Variants in ST8SIA6 observed in about 807,000 individuals in gnomAD.
ST8SIA6 encodes the protein alpha-2,8-sialyltransferase 8F.
In ST8SIA6, 39 loss-of-function variants were observed where a neutral mutation model predicts 33.6. That is an observed-to-expected ratio of 1.16 (90% CI 0.90 to 1.52). The LOEUF (loss-of-function observed/expected upper bound fraction) is 1.52. Among genes scored for constraint, ST8SIA6 ranks in the 40% most tolerant of loss-of-function variants. The pLI is 0.00. For missense variants in ST8SIA6, 441 were observed against 443.8 expected (o/e 0.99, Z 0.06); for synonymous variants, 172 against 167.2 (o/e 1.03, Z -0.22).
rs11254537 is a variant in ST8SIA6, at chr10:17,341,516, C to T, written c.378-9964G>A. On this transcript the variant is annotated intron_variant, in intron 4 of 7. Transcript: ENST00000377602. The stretch of plus-strand genomic sequence containing the variant: ...CTCCCCAAAATAAATATTTTGAAAC[C>T]CAAAGCCCCAGTATGATGGTATTAG... Among the ~76,000 whole-genome samples the T allele has an allele frequency of 6.6e-3, 1,003 of 152,112 alleles. 6 individuals are homozygous for T. Among genetic ancestry groups the T allele is most frequent in the African/African-American group, 0.023 (964 of 41,484 alleles).
intron 4 of ST8SIA6, among the ~76,000 whole-genome samples, chr10:17,355,163 A>G (rs1174391739): frequency 1.3e-5 from 2 of 152,190 alleles, no homozygotes; most frequent in Admixed American, 1.3e-4. Context: ...TTTTGAGAGA[A>G]TTCATTTTCT....
At chr10:17,434,070 T>TC (rs1852179791) in intron 2 of ST8SIA6, among the ~76,000 whole-genome samples, 1 of 152,060 alleles carries the variant, frequency 6.6e-6, no homozygotes, top group African/African-American at 2.4e-5. Context: ...CTGGCTTCTC[T>TC]CCCCTGGGCT....
In ST8SIA6 at chr10:17,390,853, T is replaced by C. The variant is rs576042846; in HGVS notation, c.201-233A>G. 4.2e-5 allele frequency among the ~76,000 whole-genome samples: 6 copies of C among 143,276 alleles called. No homozygotes were observed. In the South Asian group the frequency reaches 1.3e-3, roughly 31 times the overall value. The allele number at this position is 143,276 out of a possible 152,430, so 94.0% of individuals were successfully genotyped here. ...AAGTCAAACATAAGAGAACTCTATTTTGAAGACCTTTTTTTTTTTTTTGAG... is the reference window on the plus strand; with the variant it reads ...AAGTCAAACATAAGAGAACTCTATTCTGAAGACCTTTTTTTTTTTTTTGAG... On this transcript the variant is annotated intron_variant, in intron 2 of 7. Coordinates refer to ENST00000377602, the MANE Select transcript of ST8SIA6 (RefSeq NM_001004470.3).
chr10:17,438,532 T>C (rs1003621087), intron 2 of ST8SIA6, among the ~76,000 whole-genome samples: 2 of 152,076 alleles, frequency 1.3e-5, no homozygotes, highest in Admixed American at 6.5e-5. Flanking sequence ...CATATCTCAA[T>C]TGGTATCTGA....
intron 2 of ST8SIA6, chr10:17,409,424 C>T (rs1163090369): frequency 6.6e-6 from 1 of 152,524 alleles, no homozygotes; most frequent in African/African-American, 2.4e-5. Flanking sequence ...GGTAGAGCAG[C>T]CAGGTGTGGT....
At chr10:17,326,988 A>C in intron 6 of ST8SIA6, 26 bp downstream of exon 6, 1 of 1,535,124 alleles carries the variant, frequency 6.5e-7, no homozygotes, top group South Asian at 1.2e-5. Flanking sequence ...CTATTGTTTC[A>C]AAGAAACCAA....
chr10:17,429,045 C>T (rs1485705766), intron 2 of ST8SIA6, among the ~76,000 whole-genome samples: 1 of 151,842 alleles, frequency 6.6e-6, no homozygotes, highest in African/African-American at 2.4e-5. Flanking sequence ...ATACAGTAAG[C>T]GGGATCTGGG....
chr10:17,390,544 T>C lies in ST8SIA6; in HGVS notation c.277A>G (p.Asn93Asp). 2 of 1,612,506 alleles carry C rather than the reference T, an allele frequency of 1.2e-6. No individual in the cohort carries two copies. ...NLQYGIESFS[N>D]KTKGYSENDY... Reference sequence around the variant, plus strand: ...AGTAGAACTTACCCTTTCGTTTTGTTAGAGAAAGACTCAATGCCATATTGC... The same window carrying C: ...AGTAGAACTTACCCTTTCGTTTTGTCAGAGAAAGACTCAATGCCATATTGC... Residue 93 changes from asparagine (N) to aspartate (D), a missense_variant, in exon 3 of 8, where the codon AAC (asparagine) becomes GAC (aspartate). By Grantham distance (23) the Asn-to-Asp change is conservative. Coordinates refer to ENST00000377602, the MANE Select transcript of ST8SIA6 (RefSeq NM_001004470.3).
At chr10:17,360,575 A>C (rs868692174) in intron 3 of ST8SIA6, among the ~76,000 whole-genome samples, 3 of 151,322 alleles carry the variant, frequency 2.0e-5, no homozygotes, top group Non-Finnish European at 1.5e-5. Flanking sequence ...CTATAGAACA[A>C]AGGCCAGAAA....
intron 2 of ST8SIA6, among the ~76,000 whole-genome samples, chr10:17,436,374 GTTT>G: frequency 6.6e-6 from 1 of 151,980 alleles, no homozygotes; most frequent in Admixed American, 6.6e-5. Flanking sequence ...GTTTGTTTTT[GTTT>G]TTGTTTTTTT....
intron 2 of ST8SIA6, among the ~76,000 whole-genome samples, chr10:17,433,828 T>C (rs1254351901): frequency 1.3e-5 from 2 of 152,200 alleles, no homozygotes; most frequent in African/African-American, 4.8e-5. Context: ...AGTGCCCCTT[T>C]GTTTTCTAGC....
At chr10:17,444,001 T>A (rs1852606211) in intron 2 of ST8SIA6, among the ~76,000 whole-genome samples, 1 of 152,210 alleles carries the variant, frequency 6.6e-6, no homozygotes, top group Admixed American at 6.5e-5. Flanking sequence ...CTTTTCTTCC[T>A]TTCATATCCC....
rs1848007064 is a variant in ST8SIA6, at chr10:17,323,049, A to C, written c.728+16T>G. 1 of 1,602,800 alleles carries C rather than the reference A, an allele frequency of 6.2e-7. No individual in the cohort carries two copies. Among genetic ancestry groups the C allele is most frequent in the East Asian group, 2.2e-5 (1 of 44,638 alleles). ...AAAAGTGTTCCTGATCAGTTATGTAACTTGCAGCTACTTACTTCAGAGTTA... is the reference window on the plus strand; with the variant it reads ...AAAAGTGTTCCTGATCAGTTATGTACCTTGCAGCTACTTACTTCAGAGTTA... On this transcript the variant is annotated intron_variant, in intron 7 of 7. Transcript: ENST00000377602.
At chr10:17,389,378 ATGT>A (rs1226535188) in intron 3 of ST8SIA6, among the ~76,000 whole-genome samples, 6 of 152,156 alleles carry the variant, frequency 3.9e-5, no homozygotes, top group Admixed American at 6.5e-5. Context: ...CCATCTTCAA[ATGT>A]TGTCAGGCAA....
At chr10:17,328,540 A>G (rs773333925) in intron 5 of ST8SIA6, among the ~76,000 whole-genome samples, 10 of 152,134 alleles carry the variant, frequency 6.6e-5, no homozygotes, top group Non-Finnish European at 1.0e-4. Context: ...CGTGCTTCCC[A>G]GTGATGAGGT....
intron 3 of ST8SIA6, among the ~76,000 whole-genome samples, chr10:17,379,163 T>G: frequency 6.6e-6 from 1 of 151,464 alleles, no homozygotes; most frequent in East Asian, 1.9e-4. Flanking sequence ...CGAAGGGACT[T>G]TTCCCAAAGA....
chr10:17,448,375 C>T (rs745472526), intron 2 of ST8SIA6, among the ~76,000 whole-genome samples: 7 of 152,276 alleles, frequency 4.6e-5, no homozygotes, highest in Middle Eastern at 3.4e-3. Context: ...GCCAGCCACA[C>T]AATCCCAAAT....
At chr10:17,377,788 A>T (rs1410556331) in intron 3 of ST8SIA6, among the ~76,000 whole-genome samples, 3 of 152,250 alleles carry the variant, frequency 2.0e-5, no homozygotes, top group African/African-American at 7.2e-5. Flanking sequence ...AGTCTTTAAC[A>T]GACCATGACA....
rs766649831 is a variant in ST8SIA6 at position 17,321,347 on chromosome 10, C to G, written c.729-1G>C. 1 of 1,579,500 alleles carries G rather than the reference C, an allele frequency of 6.3e-7. No homozygotes were observed. Among genetic ancestry groups the G allele is most frequent in the South Asian group, 1.2e-5 (1 of 84,832 alleles). On this transcript the variant is annotated splice_acceptor_variant, in intron 7 of 7. Transcript: ENST00000377602. LOFTEE classifies it high-confidence loss of function. ...TTTTTTTTCCTTTAAGTTCCCATATCTGCCAAATTAAAAAAAAATTATAGT... is the reference window on the plus strand; with the variant it reads ...TTTTTTTTCCTTTAAGTTCCCATATGTGCCAAATTAAAAAAAAATTATAGT...
Sources: allele counts gnomAD v4.1 joint callset (sites outside exome capture counted in the v4.1 genomes callset), GRCh38; gene constraint gnomAD v4.1.1; transcripts MANE v1.5; gene names NCBI Gene and HGNC (gene_info 2026-07-23, HGNC 2026-07-21).